The following ZHX3 variants were observed in gnomAD, a reference collection of about 807,000 sequenced individuals.
ZHX3 encodes zinc fingers and homeoboxes 3.
ZHX3 carries 20 observed loss-of-function variants against 64.5 expected under a neutral mutation model. The ratio of observed to expected loss-of-function variants is 0.31; its 90% CI spans 0.22 to 0.45. The LOEUF (loss-of-function observed/expected upper bound fraction) is 0.45, where lower values mean the gene tolerates loss of function less well. Among genes scored for constraint, ZHX3 ranks in the 20% least tolerant of loss-of-function variants. The pLI, the probability that ZHX3 is intolerant of heterozygous loss-of-function variation, is 1.00. For synonymous variants in ZHX3, 423 were observed against 461.6 expected, an observed-to-expected ratio of 0.92 and a Z score of 1.07; for missense variants, 1,041 against 1,195.8, an observed-to-expected ratio of 0.87 and a Z score of 1.91.
At chr20:41,271,027 G>T (rs2043120636) in intron 1 of ZHX3, among the ~76,000 whole-genome samples, 2 of 152,082 alleles carry the variant, frequency 1.3e-5, no homozygotes. Flanking sequence ...AAGTATTTTT[G>T]TTTTTTGTTT....
intron 1 of ZHX3, among the ~76,000 whole-genome samples, chr20:41,276,355 G>A (rs2043379775): frequency 6.6e-6 from 1 of 152,092 alleles, no homozygotes; most frequent in East Asian, 1.9e-4. Flanking sequence ...TCTGTAAAAG[G>A]GAGCCCAGAT....
chr20:41,263,292 A>G (rs1484567592), intron 2 of ZHX3, among the ~76,000 whole-genome samples: 2 of 152,212 alleles, frequency 1.3e-5, no homozygotes, highest in African/African-American at 4.8e-5. Context: ...AGACCACGAA[A>G]AAAGAATAGA....
intron 3 of ZHX3, among the ~76,000 whole-genome samples, chr20:41,197,379 T>C (rs2037823314): frequency 6.8e-6 from 1 of 147,230 alleles, no homozygotes; most frequent in Admixed American, 6.8e-5. Flanking sequence ...TATATAATTG[T>C]ATATATTTTA....
At chr20:41,243,873 G>A (rs1161943340) in intron 2 of ZHX3, among the ~76,000 whole-genome samples, 1 of 152,138 alleles carries the variant, frequency 6.6e-6, no homozygotes, top group Non-Finnish European at 1.5e-5. Flanking sequence ...GAGTGAGGAT[G>A]AAGGAAAACT....
intron 2 of ZHX3, among the ~76,000 whole-genome samples, chr20:41,237,993 G>A (rs1056553241): frequency 1.1e-4 from 16 of 152,166 alleles, no homozygotes; most frequent in Non-Finnish European, 2.2e-4. Flanking sequence ...AGATCTTTGA[G>A]GTAAGGGTTC....
intron 2 of ZHX3, among the ~76,000 whole-genome samples, chr20:41,209,537 A>G (rs1467060719): frequency 2.0e-5 from 3 of 152,174 alleles, no homozygotes; most frequent in Non-Finnish European, 4.4e-5. Context: ...CGGAAATAAT[A>G]CCACACATCT....
At position 41,278,155 on chromosome 20, in the gene ZHX3, C is replaced by A. The variant is rs767480892; in HGVS notation, c.-244-9072G>T. ...GCCAGGAATTCGAGACTAGCCTGGC[C>A]AACATGGTGAAACTACATCTCTACT... On this transcript the variant is annotated intron_variant, in intron 1 of 3. Transcript: ENST00000683867. Among the ~76,000 whole-genome samples, 54 of 136,938 alleles carry A rather than the reference C, an allele frequency of 3.9e-4. 6 individuals are homozygous for A. The highest frequency in any genetic ancestry group is 8.0e-4 in the South Asian group (3 of 3,768). The allele number at this position is 136,938 out of a possible 152,430, so 89.8% of individuals were successfully genotyped here.
At chr20:41,222,906 TAAA>T (rs11482200) in intron 2 of ZHX3, among the ~76,000 whole-genome samples, 3 of 137,178 alleles carry the variant, frequency 2.2e-5, no homozygotes, top group Non-Finnish European at 4.7e-5. Context: ...GAACATTTGT[TAAA>T]AAAAAAAAAA....
Position 41,223,122 on chromosome 20 carries a change from C to A in ZHX3, c.-150-18056G>T, listed in dbSNP as rs1401376204. 3.3e-5 allele frequency among the ~76,000 whole-genome samples: 5 copies of A among 152,100 alleles called. No homozygotes were observed. In the East Asian group the frequency reaches 9.6e-4, roughly 29 times the overall value. ...AATTAAAATTACTCTGATTATTTTT[C>A]TTTCACTTACTTTGGAAAGGCTTGA... On this transcript the variant is annotated intron_variant, in intron 2 of 3. Coordinates refer to ENST00000683867, the MANE Select transcript of ZHX3 (RefSeq NM_001384317.1).
At chr20:41,287,374 G>A (rs1470232758) in intron 1 of ZHX3, among the ~76,000 whole-genome samples, 1 of 152,034 alleles carries the variant, frequency 6.6e-6, no homozygotes, top group East Asian at 1.9e-4. Context: ...TTTATAATAT[G>A]TCTTACCTTC....
chr20:41,191,882 T>C (rs913147029), intron 3 of ZHX3, among the ~76,000 whole-genome samples: 4 of 152,192 alleles, frequency 2.6e-5, no homozygotes, highest in African/African-American at 9.7e-5. Flanking sequence ...GCACCAGTGG[T>C]AGCAGCAGTG....
Position 41,219,295 on chromosome 20 carries a change from AC to A in ZHX3, c.-150-14230del, listed in dbSNP as rs2039779892. Among the ~76,000 whole-genome samples, 1 of 152,132 alleles carries A rather than the reference AC, an allele frequency of 6.6e-6. No individual in the cohort carries two copies. On this transcript the variant is annotated intron_variant, in intron 2 of 3. Transcript: ENST00000683867. The surrounding 1 kb of genome is among the most constrained non-coding windows in gnomAD (Gnocchi z 5.0). ...TAGCCCACTCTAGTCAGATATTATC[AC>A]CTCTAAAGTAAACATTAATTTGTTC... is the stretch of plus-strand genomic sequence containing the variant.
At chr20:41,306,684 A>G (rs2044989150) in intron 1 of ZHX3, among the ~76,000 whole-genome samples, 1 of 152,258 alleles carries the variant, frequency 6.6e-6, no homozygotes. Flanking sequence ...GGCCTATAGC[A>G]TTGCCAAATA....
chr20:41,295,454 T>C (rs1334338096), intron 1 of ZHX3, among the ~76,000 whole-genome samples: 1 of 152,206 alleles, frequency 6.6e-6, no homozygotes, highest in Non-Finnish European at 1.5e-5. Flanking sequence ...TATGCATGCA[T>C]GTGATCAAAA....
chr20:41,285,014 A>T (rs2043867309), intron 1 of ZHX3, among the ~76,000 whole-genome samples: 1 of 152,098 alleles, frequency 6.6e-6, no homozygotes, highest in Admixed American at 6.5e-5. Context: ...CTGGTCCTTC[A>T]GGTTTCAGCG....
At chr20:41,282,176 A>G (rs2043708987) in intron 1 of ZHX3, among the ~76,000 whole-genome samples, 1 of 152,186 alleles carries the variant, frequency 6.6e-6, no homozygotes. Context: ...GTACCCTTTC[A>G]GTGCTTGAGC....
chr20:41,258,801 G>A (rs891249017), intron 2 of ZHX3, among the ~76,000 whole-genome samples: 4 of 152,046 alleles, frequency 2.6e-5, no homozygotes, highest in East Asian at 1.9e-4. Context: ...TAATTAACAC[G>A]TTGAGGTAGT....
intron 3 of ZHX3, among the ~76,000 whole-genome samples, chr20:41,198,314 C>T (rs1600737347): frequency 6.6e-6 from 1 of 152,010 alleles, no homozygotes; most frequent in East Asian, 1.9e-4. Context: ...CTTATGGCTT[C>T]AAGTTTCTGT....
At chr20:41,196,406 AT>A (rs1383787375) in intron 3 of ZHX3, among the ~76,000 whole-genome samples, 46 of 68,882 alleles carry the variant, frequency 6.7e-4, no homozygotes, top group African/African-American at 1.3e-3. Context: ...TATATATTAT[AT>A]ATTATATATA....
Sources: allele counts gnomAD v4.1 joint callset (sites outside exome capture counted in the v4.1 genomes callset), GRCh38; gene constraint gnomAD v4.1.1; non-coding constraint Gnocchi (gnomAD v3.1); transcripts MANE v1.5; gene names NCBI Gene and HGNC (gene_info 2026-07-23, HGNC 2026-07-21).